Variants in CCDC15 observed in about 807,000 individuals in gnomAD.
The protein encoded by CCDC15 is coiled-coil domain-containing protein 15.
A neutral mutation model predicts 114.5 loss-of-function variants in CCDC15; 105 were observed. The observed-to-expected ratio is 0.92, with a 90% confidence interval of 0.78 to 1.08. The LOEUF (loss-of-function observed/expected upper bound fraction) is 1.08, where lower values mean the gene tolerates loss of function less well. CCDC15 is among the 50% of genes least tolerant of loss of function. The pLI is 0.00. For synonymous variants in CCDC15, 334 were observed against 377.8 expected (o/e 0.88, Z 1.34); for missense variants, 1,105 against 1,093.6 (o/e 1.01, Z -0.15).
chr11:125,030,300 G>A (rs533532426), intron 13 of CCDC15, among the ~76,000 whole-genome samples: 58 of 152,250 alleles, frequency 3.8e-4, no homozygotes, highest in Middle Eastern at 6.8e-3. Context: ...CCTAATTGGC[G>A]TTGTAATTGT....
chr11:124,989,930 T>C (rs985444605), intron 8 of CCDC15, among the ~76,000 whole-genome samples: 1 of 152,246 alleles, frequency 6.6e-6, no homozygotes, highest in African/African-American at 2.4e-5. Flanking sequence ...GCTATTTTGC[T>C]TTCTTATCAT....
chr11:124,969,331 A>G (rs533446352), intron 4 of CCDC15, among the ~76,000 whole-genome samples: 12 of 152,316 alleles, frequency 7.9e-5, no homozygotes, highest in African/African-American at 2.6e-4. Flanking sequence ...CAAGTGTCTT[A>G]TAATATATAG....
chr11:125,008,941 G>A (rs1344458129), intron 13 of CCDC15, among the ~76,000 whole-genome samples: 1 of 152,098 alleles, frequency 6.6e-6, no homozygotes, highest in African/African-American at 2.4e-5. Context: ...ATAATGAGCT[G>A]GGCGCGGTGG....
rs765170484 is a variant in CCDC15 at position 124,991,467 on chromosome 11, C to T, written c.1915C>T (p.His639Tyr). ...TTATTATTTTATCTTTTAGAAAGTA[C>T]ACTTTAAGGAGCCATACTCTGATAT... ...QDFLPKYQKV[H>Y]FKEPYSDMTD... The change falls in exon 9 of 16, where the codon CAC becomes TAC. Residue 639 changes from histidine to tyrosine, a missense_variant. Transcript: ENST00000344762. 2 of 1,530,636 alleles carry T rather than the reference C, an allele frequency of 1.3e-6. No homozygotes were observed. The highest frequency in any genetic ancestry group is 1.8e-6 in the Non-Finnish European group (2 of 1,126,876). 94.8% of individuals were successfully genotyped at this position (1,530,636 alleles called of 1,614,324 possible).
rs878887902 is a variant in CCDC15 at position 124,986,700 on chromosome 11, T to TGTGTGTGTGC, written c.754-41_754-40insTGTGTGTGCG. The TGTGTGTGTGC allele has an allele frequency of 2.3e-3, 3,043 of 1,350,408 alleles. 38 individuals are homozygous for TGTGTGTGTGC. The highest frequency in any genetic ancestry group is 0.012 in the African/African-American group (761 of 61,492). 83.7% of individuals were successfully genotyped at this position (1,350,408 alleles called of 1,614,324 possible). ...GTGTGTGTGTGTGTGTTTGTGTGTG[T>TGTGTGTGTGC]GCGCGCGCGCGCGTGCGCGTTTTCA... On this transcript the variant is annotated intron_variant, in intron 6 of 15. Transcript: ENST00000344762.
Position 124,991,603 on chromosome 11 carries a change from T to C in CCDC15, c.2031+20T>C, listed in dbSNP as rs552178815. On this transcript the variant is annotated intron_variant, in intron 9 of 15. Transcript: ENST00000344762. ...AATCAGGTAGAGTAGAAGAAAAAGA[T>C]ATAAACAGGAAGGAAGTACCCAGGT... is the stretch of plus-strand genomic sequence containing the variant. 1.3e-6 allele frequency: 2 copies of C among 1,581,572 alleles called. No homozygotes were observed. The highest frequency in any genetic ancestry group is 2.3e-5 in the South Asian group (2 of 86,214).
chr11:124,969,404 C>T (rs751423072), intron 4 of CCDC15, among the ~76,000 whole-genome samples: 17 of 152,152 alleles, frequency 1.1e-4, no homozygotes, highest in Non-Finnish European at 2.2e-4. Context: ...TCTGTGATGT[C>T]CCTTGAAAGC....
intron 4 of CCDC15, among the ~76,000 whole-genome samples, chr11:124,970,717 A>G (rs934340529): frequency 1.3e-5 from 2 of 152,182 alleles, no homozygotes; most frequent in South Asian, 4.1e-4. Context: ...TTGATTGGCT[A>G]AAAAATTACA....
intron 11 of CCDC15, among the ~76,000 whole-genome samples, chr11:125,003,352 G>A (rs2016887759): frequency 6.6e-6 from 1 of 151,912 alleles, no homozygotes; most frequent in African/African-American, 2.4e-5. Flanking sequence ...TAATGTCCAA[G>A]TAGATATACC....
chr11:125,024,768 G>A (rs1345075775), intron 13 of CCDC15, among the ~76,000 whole-genome samples: 1 of 151,650 alleles, frequency 6.6e-6, no homozygotes, highest in Non-Finnish European at 1.5e-5. Context: ...GATGTCTTTT[G>A]TTTCTTTTGC....
At chr11:124,983,859 T>C (rs1948112956) in intron 6 of CCDC15, among the ~76,000 whole-genome samples, 1 of 152,018 alleles carries the variant, frequency 6.6e-6, no homozygotes, top group Non-Finnish European at 1.5e-5. Context: ...TGGTGGTGGT[T>C]GCAGTGCTGC....
intron 6 of CCDC15, among the ~76,000 whole-genome samples, chr11:124,986,465 A>G (rs1221574957): frequency 5.9e-5 from 9 of 152,204 alleles, no homozygotes; most frequent in African/African-American, 2.2e-4. Flanking sequence ...CTCTTGATCC[A>G]TGAACATGTT....
In CCDC15 at chr11:124,987,352, G is replaced by A. The variant is rs574235958; in HGVS notation, c.1126G>A (p.Ala376Thr). 11 of 1,613,568 alleles carry A rather than the reference G, an allele frequency of 6.8e-6. No individual in the cohort carries two copies. In the South Asian group the frequency reaches 1.2e-4, roughly 18 times the overall value. The change falls in exon 8 of 16, where the codon GCC (alanine) becomes ACC (threonine). Residue 376 changes from alanine (A) to threonine (T), a missense_variant. Physicochemically the swap from Ala to Thr is moderately conservative, Grantham distance 58 (BLOSUM62 0). Coordinates refer to ENST00000344762, the MANE Select transcript of CCDC15 (RefSeq NM_025004.3). ...TCAGGTTACTGAGCCAGAAGGCCAGGCCATTGAGCCAGAAGGCCAGCCTAT... is the reference window on the plus strand; with the variant it reads ...TCAGGTTACTGAGCCAGAAGGCCAGACCATTGAGCCAGAAGGCCAGCCTAT... Reference protein sequence around the residue: ...KVQVTEPEGQAIEPEGQPIKT... With the variant: ...KVQVTEPEGQTIEPEGQPIKT...
At chr11:124,981,989 T>C (rs1948080411) in intron 6 of CCDC15, among the ~76,000 whole-genome samples, 1 of 152,228 alleles carries the variant, frequency 6.6e-6, no homozygotes. Context: ...GGTGCATATA[T>C]ATCTAGGATA....
At chr11:125,010,049 G>GA (rs1174071972) in intron 13 of CCDC15, among the ~76,000 whole-genome samples, 24 of 152,112 alleles carry the variant, frequency 1.6e-4, no homozygotes, top group Admixed American at 1.6e-3. Flanking sequence ...TAAGTTCTTT[G>GA]AAAAATCTCC....
intron 13 of CCDC15, among the ~76,000 whole-genome samples, chr11:125,009,906 G>A (rs1948577914): frequency 6.6e-6 from 1 of 152,284 alleles, no homozygotes; most frequent in Non-Finnish European, 1.5e-5. Flanking sequence ...GTTCGCCACT[G>A]ATGGGCACCT....
At chr11:124,964,927 A>G (rs1331195785) in intron 4 of CCDC15, among the ~76,000 whole-genome samples, 1 of 152,108 alleles carries the variant, frequency 6.6e-6, no homozygotes, top group East Asian at 1.9e-4. Flanking sequence ...GGTTCTGTTT[A>G]TGTGATGGCG....
chr11:125,031,474 G>C (rs184715367), intron 13 of CCDC15, among the ~76,000 whole-genome samples: 248 of 152,312 alleles, frequency 1.6e-3, no homozygotes, highest in Non-Finnish European at 2.7e-3. Context: ...GAATGCTGCT[G>C]TGTACCCACT....
At chr11:125,027,939 ATTC>A (rs957750378) in intron 13 of CCDC15, among the ~76,000 whole-genome samples, 33 of 152,196 alleles carry the variant, frequency 2.2e-4, no homozygotes, top group African/African-American at 7.2e-4. Flanking sequence ...ATCCAGTTTT[ATTC>A]TTCTATGTAT....
Sources: gnomAD v4.1 joint callset for allele counts (sites outside exome capture counted in the v4.1 genomes callset) on GRCh38, gnomAD v4.1.1 for gene constraint, MANE v1.5 for transcripts, NCBI Gene and HGNC (gene_info 2026-07-23, HGNC 2026-07-21) for gene names.